The following SOX2 variants were observed in gnomAD, a reference collection of about 807,000 sequenced individuals.
SOX2 encodes the protein transcription factor SOX-2.
A neutral mutation model predicts 19.7 loss-of-function variants in SOX2; 2 were observed. The observed-to-expected ratio is 0.10, with a 90% CI of 0.04 to 0.32. The LOEUF (loss-of-function observed/expected upper bound fraction) is 0.32, where lower values mean the gene tolerates loss of function less well. Ranked by LOEUF, SOX2 falls within the 10% of genes least tolerant of loss-of-function variation. SOX2 has a pLI of 1.00. For missense variants in SOX2, 294 were observed against 459.9 expected (o/e 0.64, Z 3.30); for synonymous variants, 211 against 196.8 (o/e 1.07, Z -0.60).
At position 181,714,162 on chromosome 3, in the gene SOX2, TA is replaced by T. The variant is rs923960288; in HGVS notation, c.*856del. On this transcript the variant is annotated 3_prime_UTR_variant, in exon 1 of 1. Transcript: ENST00000325404. Reference sequence around the variant, plus strand: ...ATCCCAACTTTCCATTTTGTTCAGATAAAAAAAACCATGAAATTACTGTGTT... The same window carrying T: ...ATCCCAACTTTCCATTTTGTTCAGATAAAAAAACCATGAAATTACTGTGTT... 6 of 242,250 alleles carry T rather than the reference TA, an allele frequency of 2.5e-5. No individual in the cohort carries two copies. The highest frequency in any genetic ancestry group is 1.8e-4 in the South Asian group (1 of 5,464). 15.0% of individuals were successfully genotyped at this position (242,250 alleles called of 1,614,324 possible).
rs1714862244 is a variant in SOX2, at chr3:181,712,906, G to A, written c.546G>A (p.Gln182=). The change falls in exon 1 of 1, where the codon CAG becomes CAA. Residue 182 remains glutamine, a synonymous_variant. Transcript: ENST00000325404. The surrounding 1 kb of genome is among the most constrained non-coding windows in gnomAD (Gnocchi z 8.5). ...SMMQDQLGYP[Q]HPGLNAHGAA... is the part of the protein sequence containing the mutation. ...TGCAGGACCAGCTGGGCTACCCGCA[G>A]CACCCGGGCCTCAATGCGCACGGCG... 2.2e-5 allele frequency: 36 copies of A among 1,612,858 alleles called. No individual in the cohort carries two copies. Among genetic ancestry groups the A allele is most frequent in the Non-Finnish European group, 3.1e-5 (36 of 1,179,710 alleles).
Position 181,712,397 on chromosome 3 carries a change from G to C in SOX2, c.37G>C (p.Gly13Arg), listed in dbSNP as rs1714835180. 2 of 1,578,800 alleles carry C rather than the reference G, an allele frequency of 1.3e-6. No individual in the cohort carries two copies. The highest frequency in any genetic ancestry group is 2.3e-5 in the East Asian group (1 of 42,724). ...NMMETELKPP[G>R]PQQTSGGGGG... ...GATGGAGACGGAGCTGAAGCCGCCGGGCCCGCAGCAAACTTCGGGGGGCGG... is the reference window on the plus strand; with the variant it reads ...GATGGAGACGGAGCTGAAGCCGCCGCGCCCGCAGCAAACTTCGGGGGGCGG... Residue 13 changes from glycine (G) to arginine (R), a missense_variant, in exon 1 of 1, where the codon GGC becomes CGC. Around this residue, in one of 3 missense-constraint regions of SOX2, gnomAD observed 51 missense variants for 54.9 expected, o/e 0.93. Coordinates refer to ENST00000325404, the MANE Select transcript of SOX2 (RefSeq NM_003106.4). This position sits in a 1 kb window ranked among gnomAD's most constrained non-coding sequence, Gnocchi z 8.5.
In SOX2 at chr3:181,713,505, C is replaced by G; in HGVS notation, c.*191C>G. The stretch of plus-strand genomic sequence containing the variant: ...AAAGAGAACACCAATCCCATCCACA[C>G]TCACGCAAAAACCGCGATGCCGACA... On this transcript the variant is annotated 3_prime_UTR_variant, in exon 1 of 1. Transcript: ENST00000325404. 1 of 767,016 alleles carries G rather than the reference C, an allele frequency of 1.3e-6. No individual in the cohort carries two copies. The highest frequency in any genetic ancestry group is 2.7e-5 in the East Asian group (1 of 36,902). 47.5% of individuals were successfully genotyped at this position (767,016 alleles called of 1,614,324 possible).
At position 181,713,348 on chromosome 3, in the gene SOX2, T is replaced by C. The variant is rs988040270; in HGVS notation, c.*34T>C. ...CAGCGAACTGGAGGGGGGAGAAATTTTCAAAGAAAAACGAGGGAAATGGGA... is the reference window on the plus strand; with the variant it reads ...CAGCGAACTGGAGGGGGGAGAAATTCTCAAAGAAAAACGAGGGAAATGGGA... On this transcript the variant is annotated 3_prime_UTR_variant, in exon 1 of 1. Transcript: ENST00000325404. 3.2e-6 allele frequency: 5 copies of C among 1,550,988 alleles called. No individual in the cohort carries two copies. In the African/African-American group the frequency reaches 6.9e-5, roughly 21 times the overall value.
Position 181,713,438 on chromosome 3 carries a change from GA to G in SOX2, c.*135del, listed in dbSNP as rs201617684. On this transcript the variant is annotated 3_prime_UTR_variant, in exon 1 of 1. Coordinates refer to ENST00000325404, the MANE Select transcript of SOX2 (RefSeq NM_003106.4). Reference sequence around the variant, plus strand: ...ACCCGGTACGCTCAAAAAGAAAAAGGAAAAAAAAAAATCCCATCACCCACAG... The same window carrying G: ...ACCCGGTACGCTCAAAAAGAAAAAGGAAAAAAAAAATCCCATCACCCACAG... The G allele has an allele frequency of 0.017, 16,327 of 978,402 alleles. No homozygotes were observed. The highest frequency in any genetic ancestry group is 0.018 in the Non-Finnish European group (13,028 of 710,248). 60.6% of individuals were successfully genotyped at this position (978,402 alleles called of 1,614,324 possible). A position where few individuals can be genotyped will look rare whatever the true frequency, so the allele number is the denominator to read the frequency against.
At position 181,713,056 on chromosome 3, in the gene SOX2, C is replaced by T; in HGVS notation, c.696C>T (p.Thr232=). The change falls in exon 1 of 1, where the codon ACC becomes ACT. Residue 232 remains threonine, a synonymous_variant. Transcript: ENST00000325404. ...GCATGTCCTACTCGCAGCAGGGCAC[C>T]CCTGGCATGGCTCTTGGCTCCATGG... ...TYSMSYSQQG[T]PGMALGSMGS... is the part of the protein sequence containing the mutation. 6.2e-7 allele frequency: 1 copy of T among 1,613,858 alleles called. No homozygotes were observed.
chr3:181,712,700 C>A lies in SOX2; in HGVS notation c.340C>A (p.Arg114=), dbSNP rs2108522225. 4.3e-6 allele frequency: 7 copies of A among 1,613,902 alleles called. No homozygotes were observed. The highest frequency in any genetic ancestry group is 2.2e-5 in the South Asian group (2 of 91,072). ...CCCGGATTATAAATACCGGCCCCGG[C>A]GGAAAACCAAGACGCTCATGAAGAA... ...EHPDYKYRPR[R]KTKTLMKKDK... is the part of the protein sequence containing the mutation. Residue 114 remains arginine (R), a synonymous_variant, in exon 1 of 1, where the codon CGG becomes AGG. Coordinates refer to ENST00000325404, the MANE Select transcript of SOX2 (RefSeq NM_003106.4). The surrounding 1 kb of genome is among the most constrained non-coding windows in gnomAD (Gnocchi z 8.5).
In SOX2 at chr3:181,713,673, G is replaced by T. The variant is rs1168772910; in HGVS notation, c.*359G>T. ...GAAAGCTACGAAAAACTTTTTAAAA[G>T]TTCTAGTGGTACGGTAGGAGCTTTG... On this transcript the variant is annotated 3_prime_UTR_variant, in exon 1 of 1. Coordinates refer to ENST00000325404, the MANE Select transcript of SOX2 (RefSeq NM_003106.4). The T allele has an allele frequency of 7.4e-6, 3 of 406,988 alleles. No individual in the cohort carries two copies. Among genetic ancestry groups the T allele is most frequent in the East Asian group, 8.7e-5 (2 of 23,108 alleles). 25.2% of individuals were successfully genotyped at this position (406,988 alleles called of 1,614,324 possible).
chr3:181,712,347 C>G lies in SOX2; in HGVS notation c.-14C>G, dbSNP rs2108521231. 6.9e-7 allele frequency: 1 copy of G among 1,446,866 alleles called. No individual in the cohort carries two copies. The highest frequency in any genetic ancestry group is 9.0e-7 in the Non-Finnish European group (1 of 1,106,304). The allele number at this position is 1,446,866 out of a possible 1,614,324, so 89.6% of individuals were successfully genotyped here. A position where few individuals can be genotyped will look rare whatever the true frequency, so the allele number is the denominator to read the frequency against. ...GGCGGCCGCCGGCGGGCCGGGCCCG[C>G]GCACAGCGCCCGCATGTACAACATG... On this transcript the variant is annotated 5_prime_UTR_variant, in exon 1 of 1. Transcript: ENST00000325404. This position sits in a 1 kb window ranked among gnomAD's most constrained non-coding sequence, Gnocchi z 8.5.
chr3:181,714,069 CTT>C lies in SOX2; in HGVS notation c.*756_*757del, dbSNP rs2108524750. ...TTTTAGACTGTACTAAATTTTATAACTTACTGTTAAAAGCAAAAATGGCCATG... is the reference window on the plus strand; with the variant it reads ...TTTTAGACTGTACTAAATTTTATAACACTGTTAAAAGCAAAAATGGCCATG... On this transcript the variant is annotated 3_prime_UTR_variant, in exon 1 of 1. Coordinates refer to ENST00000325404, the MANE Select transcript of SOX2 (RefSeq NM_003106.4). 4.1e-6 allele frequency: 1 copy of C among 244,464 alleles called. No homozygotes were observed. Among genetic ancestry groups the C allele is most frequent in the East Asian group, 6.3e-5 (1 of 15,922 alleles). 15.1% of individuals were successfully genotyped at this position (244,464 alleles called of 1,614,324 possible).
chr3:181,712,260 G>T lies in SOX2; in HGVS notation c.-101G>T. ...CCCTGCGCTCCCGACACCCCCGCCCGCCTCCCCTCCTCCTCTCCCCCCGCC... is the reference window on the plus strand; with the variant it reads ...CCCTGCGCTCCCGACACCCCCGCCCTCCTCCCCTCCTCCTCTCCCCCCGCC... On this transcript the variant is annotated 5_prime_UTR_variant, in exon 1 of 1. Transcript: ENST00000325404. The surrounding 1 kb of genome is among the most constrained non-coding windows in gnomAD (Gnocchi z 8.5). 1 of 799,628 alleles carries T rather than the reference G, an allele frequency of 1.3e-6. No homozygotes were observed. The highest frequency in any genetic ancestry group is 1.7e-6 in the Non-Finnish European group (1 of 605,490). The allele number at this position is 799,628 out of a possible 1,614,324, so 49.5% of individuals were successfully genotyped here.
chr3:181,713,059 T>C lies in SOX2; in HGVS notation c.699T>C (p.Pro233=), dbSNP rs751726777. The C allele has an allele frequency of 6.2e-7, 1 of 1,613,660 alleles. No homozygotes were observed. The highest frequency in any genetic ancestry group is 8.5e-7 in the Non-Finnish European group (1 of 1,179,990). ...YSMSYSQQGT[P]GMALGSMGSV... ...TGTCCTACTCGCAGCAGGGCACCCC[T>C]GGCATGGCTCTTGGCTCCATGGGTT... Residue 233 remains proline, a synonymous_variant, in exon 1 of 1, where the codon CCT becomes CCC. Coordinates refer to ENST00000325404, the MANE Select transcript of SOX2 (RefSeq NM_003106.4).
chr3:181,712,691 C>A lies in SOX2; in HGVS notation c.331C>A (p.Arg111=), dbSNP rs779226331. 7 of 1,614,044 alleles carry A rather than the reference C, an allele frequency of 4.3e-6. No individual in the cohort carries two copies. The highest frequency in any genetic ancestry group is 4.2e-6 in the Non-Finnish European group (5 of 1,179,966). The stretch of plus-strand genomic sequence containing the variant: ...GAAGGAGCACCCGGATTATAAATAC[C>A]GGCCCCGGCGGAAAACCAAGACGCT... ...HMKEHPDYKY[R]PRRKTKTLMK... Residue 111 remains arginine (R), a synonymous_variant, in exon 1 of 1, where the codon CGG becomes AGG. Coordinates refer to ENST00000325404, the MANE Select transcript of SOX2 (RefSeq NM_003106.4). The surrounding 1 kb of genome is among the most constrained non-coding windows in gnomAD (Gnocchi z 8.5).
In SOX2 at chr3:181,713,186, A is replaced by T. The variant is rs1358876345; in HGVS notation, c.826A>T (p.Met276Leu). 6.2e-7 allele frequency: 1 copy of T among 1,613,104 alleles called. No individual in the cohort carries two copies. Among genetic ancestry groups the T allele is most frequent in the Non-Finnish European group, 8.5e-7 (1 of 1,179,966 alleles). The change falls in exon 1 of 1, where the codon ATG becomes TTG. Residue 276 changes from methionine to leucine, a missense_variant. Around this residue, in one of 3 missense-constraint regions of SOX2, gnomAD observed 223 missense variants for 292.7 expected, o/e 0.76. Coordinates refer to ENST00000325404, the MANE Select transcript of SOX2 (RefSeq NM_003106.4). ...QAGDLRDMISMYLPGAEVPEP... is the reference protein window; with the variant it reads ...QAGDLRDMISLYLPGAEVPEP... Reference sequence around the variant, plus strand: ...CGGGGACCTCCGGGACATGATCAGCATGTATCTCCCCGGCGCCGAGGTGCC... The same window carrying T: ...CGGGGACCTCCGGGACATGATCAGCTTGTATCTCCCCGGCGCCGAGGTGCC...
In SOX2 at chr3:181,712,350, A is replaced by C. The variant is rs1576852580; in HGVS notation, c.-11A>C. On this transcript the variant is annotated 5_prime_UTR_variant, in exon 1 of 1. Coordinates refer to ENST00000325404, the MANE Select transcript of SOX2 (RefSeq NM_003106.4). This position sits in a 1 kb window ranked among gnomAD's most constrained non-coding sequence, Gnocchi z 8.5. ...GGCCGCCGGCGGGCCGGGCCCGCGCACAGCGCCCGCATGTACAACATGATG... is the reference window on the plus strand; with the variant it reads ...GGCCGCCGGCGGGCCGGGCCCGCGCCCAGCGCCCGCATGTACAACATGATG... 2.1e-6 allele frequency: 3 copies of C among 1,419,292 alleles called. No homozygotes were observed. Among genetic ancestry groups the C allele is most frequent in the Non-Finnish European group, 2.7e-6 (3 of 1,091,088 alleles). 87.9% of individuals were successfully genotyped at this position (1,419,292 alleles called of 1,614,324 possible).
rs2108523127 is a variant in SOX2 at position 181,713,047 on chromosome 3, G to A, written c.687G>A (p.Gln229=). 1 of 1,613,800 alleles carries A rather than the reference G, an allele frequency of 6.2e-7. No homozygotes were observed. Among genetic ancestry groups the A allele is most frequent in the Non-Finnish European group, 8.5e-7 (1 of 1,180,034 alleles). ...CCACCTACAGCATGTCCTACTCGCA[G>A]CAGGGCACCCCTGGCATGGCTCTTG... The part of the protein sequence containing the change: ...GSPTYSMSYS[Q]QGTPGMALGS... The change falls in exon 1 of 1, where the codon CAG becomes CAA. Residue 229 remains glutamine, a synonymous_variant. Transcript: ENST00000325404.
At position 181,713,378 on chromosome 3, in the gene SOX2, T is replaced by C; in HGVS notation, c.*64T>C. On this transcript the variant is annotated 3_prime_UTR_variant, in exon 1 of 1. Transcript: ENST00000325404. The stretch of plus-strand genomic sequence containing the variant: ...AGAAAAACGAGGGAAATGGGAGGGG[T>C]GCAAAAGAGGAGAGTAAGAAACAGC... The C allele has an allele frequency of 6.5e-7, 1 of 1,543,320 alleles. No individual in the cohort carries two copies. Among genetic ancestry groups the C allele is most frequent in the Non-Finnish European group, 8.7e-7 (1 of 1,143,012 alleles).
rs1220772816 is a variant in SOX2, at chr3:181,714,117, T to C, written c.*803T>C. 4.1e-6 allele frequency: 1 copy of C among 244,662 alleles called. No individual in the cohort carries two copies. Among genetic ancestry groups the C allele is most frequent in the Non-Finnish European group, 8.6e-6 (1 of 116,152 alleles). 15.2% of individuals were successfully genotyped at this position (244,662 alleles called of 1,614,324 possible). A position where few individuals can be genotyped will look rare whatever the true frequency, so the allele number is the denominator to read the frequency against. ...CCATGCAGGTTGACACCGTTGGTAA[T>C]TTATAATAGCTTTTGTTCGATCCCA... On this transcript the variant is annotated 3_prime_UTR_variant, in exon 1 of 1. Transcript: ENST00000325404.
rs2108523677 is a variant in SOX2, at chr3:181,713,228, A to C, written c.868A>C (p.Ser290Arg). The C allele has an allele frequency of 6.2e-7, 1 of 1,612,430 alleles. No homozygotes were observed. Among genetic ancestry groups the C allele is most frequent in the South Asian group, 1.1e-5 (1 of 91,040 alleles). ...GAEVPEPAAP[S>R]RLHMSQHYQS... Reference sequence around the variant, plus strand: ...CGAGGTGCCGGAACCCGCCGCCCCCAGCAGACTTCACATGTCCCAGCACTA... The same window carrying C: ...CGAGGTGCCGGAACCCGCCGCCCCCCGCAGACTTCACATGTCCCAGCACTA... The change falls in exon 1 of 1, where the codon AGC becomes CGC. Residue 290 changes from serine to arginine, a missense_variant. By Grantham distance (110) the Ser-to-Arg change is moderately radical. This residue lies in a region of SOX2 where 223 missense variants were observed against 292.7 expected (regional missense o/e 0.76). Coordinates refer to ENST00000325404, the MANE Select transcript of SOX2 (RefSeq NM_003106.4).
Sources: gnomAD v4.1 joint callset for allele counts on GRCh38, gnomAD v4.1.1 for gene constraint, gnomAD v4.1.1 regional missense constraint, Gnocchi (gnomAD v3.1) non-coding constraint, MANE v1.5 for transcripts, NCBI Gene and HGNC (gene_info 2026-07-23, HGNC 2026-07-21) for gene names.